The following PCDHA12 variants were observed in gnomAD, a reference collection of about 807,000 sequenced individuals.
PCDHA12 encodes protocadherin alpha 12.
A neutral mutation model predicts 60.0 loss-of-function variants in PCDHA12; 44 were observed. That is an observed-to-expected ratio of 0.73 (90% CI 0.58 to 0.94). The LOEUF (loss-of-function observed/expected upper bound fraction) is 0.94. Ranked by LOEUF, PCDHA12 falls within the 40% of genes least tolerant of loss-of-function variation. The probability of loss-of-function intolerance (pLI) is 0.00; values close to 1 mark genes in which losing one functional copy is unlikely to be tolerated. For missense variants in PCDHA12, 1,276 were observed against 1,239.7 expected (o/e 1.03, Z -0.44); for synonymous variants, 569 against 553.0 (o/e 1.03, Z -0.40).
rs572945874 is a variant in PCDHA12, at chr5:140,876,602, G to C, written c.1130G>C (p.Arg377Pro). The C allele has an allele frequency of 1.2e-6, 2 of 1,614,180 alleles. No homozygotes were observed. Among genetic ancestry groups the C allele is most frequent in the Non-Finnish European group, 1.7e-6 (2 of 1,180,032 alleles). ...ATTGCCCTGATTAGCGTGTCGGATC[G>C]TGACTCTGGAGCCAATGGACAGGTC... ...TVIALISVSD[R>P]DSGANGQVIC... is the part of the protein sequence containing the mutation. Residue 377 changes from arginine (R) to proline (P), a missense_variant, in exon 1 of 4, where the codon CGT (arginine) becomes CCT (proline). Physicochemically the swap from Arg to Pro is moderately radical, Grantham distance 103 (BLOSUM62 -2). Transcript: ENST00000398631.
chr5:140,933,833 A>G (rs944428844), intron 1 of PCDHA12, among the ~76,000 whole-genome samples: 1 of 151,928 alleles, frequency 6.6e-6, no homozygotes, highest in East Asian at 1.9e-4. Flanking sequence ...TATTGCTCCT[A>G]TTTCATTCCT....
chr5:140,929,381 G>GT (rs1554207059), intron 1 of PCDHA12: 2 of 1,510,858 alleles, frequency 1.3e-6, no homozygotes, highest in African/African-American at 1.4e-5. Flanking sequence ...TGCTAGCTGT[G>GT]TTTTGAAATA....
At chr5:140,984,968 C>T (rs1380988893) in intron 3 of PCDHA12, among the ~76,000 whole-genome samples, 1 of 151,950 alleles carries the variant, frequency 6.6e-6, no homozygotes, top group South Asian at 2.1e-4. Flanking sequence ...GACAGAGTCT[C>T]GCTCTGTCCC....
intron 1 of PCDHA12, among the ~76,000 whole-genome samples, chr5:140,952,338 CAAAAA>C (rs55931446): frequency 7.4e-5 from 10 of 135,008 alleles, no homozygotes; most frequent in Admixed American, 1.5e-4. Context: ...AACTCCATCT[CAAAAA>C]AAAAAAAAAA....
At chr5:140,937,199 G>T (rs2091405017) in intron 1 of PCDHA12, among the ~76,000 whole-genome samples, 1 of 151,792 alleles carries the variant, frequency 6.6e-6, no homozygotes, top group African/African-American at 2.4e-5. Flanking sequence ...CACCATGCCC[G>T]GCTAATTTTT....
In PCDHA12 at chr5:140,875,667, G is replaced by T; in HGVS notation, c.195G>T (p.Arg65=). Residue 65 remains arginine (R), a synonymous_variant, in exon 1 of 4, where the codon CGG becomes CGT. Coordinates refer to ENST00000398631, the MANE Select transcript of PCDHA12 (RefSeq NM_018903.4). ...CGGAGCTGGTGCCGCGCCTGTTCCG[G>T]GTGGCGTCCAAAAGACACGGGGACC... ...ELAELVPRLF[R]VASKRHGDLL... 1 of 1,613,820 alleles carries T rather than the reference G, an allele frequency of 6.2e-7. No individual in the cohort carries two copies. Among genetic ancestry groups the T allele is most frequent in the Non-Finnish European group, 8.5e-7 (1 of 1,180,004 alleles).
intron 1 of PCDHA12, among the ~76,000 whole-genome samples, chr5:140,881,137 A>G (rs1554171789): frequency 6.6e-6 from 1 of 152,246 alleles, no homozygotes; most frequent in Non-Finnish European, 1.5e-5. Context: ...AGAGATAGTT[A>G]TAACAATAGA....
chr5:140,974,309 TGA>T (rs1190034770), intron 1 of PCDHA12, among the ~76,000 whole-genome samples: 4 of 152,212 alleles, frequency 2.6e-5, no homozygotes, highest in South Asian at 4.1e-4. Context: ...CAACTGTGAG[TGA>T]GAGAGTAGCT....
At chr5:140,927,316 C>A in intron 1 of PCDHA12, 1 of 1,614,198 alleles carries the variant, frequency 6.2e-7, no homozygotes, top group Non-Finnish European at 8.5e-7. Flanking sequence ...GCCCGGAGCC[C>A]GCTTTACTCT....
At chr5:140,885,267 C>CAT (rs1219745687) in intron 1 of PCDHA12, among the ~76,000 whole-genome samples, 1 of 151,978 alleles carries the variant, frequency 6.6e-6, no homozygotes, top group East Asian at 1.9e-4. Context: ...ATTACTCATA[C>CAT]ATATATATAT....
chr5:140,967,539 A>G (rs1554229656), intron 1 of PCDHA12: 2 of 1,613,730 alleles, frequency 1.2e-6, no homozygotes, highest in African/African-American at 1.3e-5. Flanking sequence ...CCTGCCTTTG[A>G]CCAGTCCACT....
chr5:140,966,538 C>T, intron 1 of PCDHA12: 2 of 463,262 alleles, frequency 4.3e-6, no homozygotes, highest in South Asian at 1.1e-4. Flanking sequence ...GGTTGAGCGA[C>T]TCGGAGGCGA....
At chr5:140,974,264 C>A (rs2096620873) in intron 1 of PCDHA12, among the ~76,000 whole-genome samples, 1 of 152,168 alleles carries the variant, frequency 6.6e-6, no homozygotes, top group African/African-American at 2.4e-5. Flanking sequence ...CCTTTCTGGC[C>A]TTCCAGGGTC....
intron 1 of PCDHA12, among the ~76,000 whole-genome samples, chr5:140,892,004 T>A (rs562047314): frequency 6.6e-6 from 1 of 152,364 alleles, no homozygotes; most frequent in East Asian, 1.9e-4. Flanking sequence ...TGGCATTCTG[T>A]TATAGCAGCA....
intron 1 of PCDHA12, among the ~76,000 whole-genome samples, chr5:140,889,062 T>C (rs1463008573): frequency 1.3e-5 from 2 of 152,052 alleles, no homozygotes; most frequent in African/African-American, 2.4e-5. Context: ...CCTTTTAATA[T>C]ACTACTTATT....
At chr5:140,983,104 T>C (rs907787884) in intron 3 of PCDHA12, among the ~76,000 whole-genome samples, 3 of 152,234 alleles carry the variant, frequency 2.0e-5, no homozygotes, top group Admixed American at 1.3e-4. Flanking sequence ...TGCTTCTCTC[T>C]GCACATCAAC....
At chr5:140,941,210 TC>T (rs2092849552) in intron 1 of PCDHA12, among the ~76,000 whole-genome samples, 1 of 100,630 alleles carries the variant, frequency 9.9e-6, no homozygotes, top group African/African-American at 5.4e-5. Flanking sequence ...TTCCTTTCTT[TC>T]TTCCTTTCTT....
At chr5:140,945,722 A>G (rs2093833983) in intron 1 of PCDHA12, among the ~76,000 whole-genome samples, 1 of 152,110 alleles carries the variant, frequency 6.6e-6, no homozygotes, top group African/African-American at 2.4e-5. Context: ...TCAAGAATAT[A>G]CAATGGAAAA....
At chr5:140,882,072 T>G in intron 1 of PCDHA12, 4 of 861,576 alleles carry the variant, frequency 4.6e-6, no homozygotes, top group Non-Finnish European at 7.0e-6. Flanking sequence ...TTCATGCGCA[T>G]GGTGTCGCTC....
Sources: allele counts gnomAD v4.1 joint callset (sites outside exome capture counted in the v4.1 genomes callset), GRCh38; gene constraint gnomAD v4.1.1; transcripts MANE v1.5; gene names NCBI Gene and HGNC (gene_info 2026-07-23, HGNC 2026-07-21).